Variants in ACACA observed in about 807,000 individuals in gnomAD.
The protein encoded by ACACA is acetyl-CoA carboxylase alpha.
In ACACA, 103 loss-of-function variants were observed where a neutral mutation model predicts 296.1. That is an observed-to-expected ratio of 0.35 (90% confidence interval 0.30 to 0.41). The LOEUF (loss-of-function observed/expected upper bound fraction) is 0.41, where lower values mean the gene tolerates loss of function less well. Among genes scored for constraint, ACACA ranks in the 10% least tolerant of loss-of-function variants. ACACA has a pLI of 1.00. For synonymous variants in ACACA, 953 were observed against 1,038.6 expected (o/e 0.92, Z 1.58); for missense variants, 1,554 against 2,989.7 (o/e 0.52, Z 11.20).
intron 3 of ACACA, chr17:37,328,886 G>A (rs1181530973): frequency 1.3e-5 from 5 of 398,454 alleles, no homozygotes; most frequent in Non-Finnish European, 1.3e-5. Context: ...CAAATGAATC[G>A]AAATCTCTGG....
chr17:37,364,590 CA>C (rs58523091), intron 1 of ACACA, among the ~76,000 whole-genome samples: 135 of 94,056 alleles, frequency 1.4e-3, no homozygotes, highest in Admixed American at 1.3e-3. Flanking sequence ...GACTCCGTCT[CA>C]AAAAAAAAAA....
intron 49 of ACACA, 142 bp from the exon 50 acceptor site, chr17:37,121,632 G>T: frequency 9.2e-7 from 1 of 1,081,516 alleles, no homozygotes; most frequent in Non-Finnish European, 1.4e-6. Context: ...AGATCATCAT[G>T]TTTGGAGTAA....
At chr17:37,394,121 A>G (rs1168651213) in intron 1 of ACACA, among the ~76,000 whole-genome samples, 2 of 152,178 alleles carry the variant, frequency 1.3e-5, no homozygotes, top group African/African-American at 4.8e-5. Context: ...TAGTGTCACC[A>G]TTATAGACCA....
chr17:37,301,336 C>G (rs2083606551), intron 3 of ACACA: 1 of 979,832 alleles, frequency 1.0e-6, no homozygotes, highest in Non-Finnish European at 1.2e-6. Flanking sequence ...TTTAAAGCAT[C>G]CCCCTTTTAA....
chr17:37,186,586 T>A (rs1391303472), intron 39 of ACACA, among the ~76,000 whole-genome samples: 3 of 152,250 alleles, frequency 2.0e-5, no homozygotes, highest in African/African-American at 7.2e-5. Flanking sequence ...CTGCTCCTTT[T>A]GTCAGTTCCC....
intron 1 of ACACA, among the ~76,000 whole-genome samples, chr17:37,361,448 C>A (rs1323980554): frequency 7.2e-5 from 11 of 152,070 alleles, no homozygotes; most frequent in Non-Finnish European, 1.5e-4. Context: ...CCTGCATGTC[C>A]TGCTTTTGAC....
intron 51 of ACACA, 128 bp downstream of exon 51, chr17:37,112,960 G>A (rs1186270805): frequency 1.3e-5 from 15 of 1,174,214 alleles, no homozygotes; most frequent in Non-Finnish European, 1.8e-5. Flanking sequence ...GTAATGGAAG[G>A]AAAAAGCTTT....
chr17:37,325,588 T>C lies in ACACA; in HGVS notation c.338+4585A>G, dbSNP rs1293074128. On this transcript the variant is annotated intron_variant, in intron 3 of 55. Coordinates refer to ENST00000616317, the MANE Select transcript of ACACA (RefSeq NM_198834.3). The stretch of plus-strand genomic sequence containing the variant: ...TTATTTTCTTTTCTTTCTTTTTTTT[T>C]TTTTTTTTTTTTTTTTGCTCTGTTG... Among the ~76,000 whole-genome samples, 4 of 129,574 alleles carry C rather than the reference T, an allele frequency of 3.1e-5. No homozygotes were observed. In the East Asian group the frequency reaches 6.7e-4, roughly 22 times the overall value. 85.0% of individuals were successfully genotyped at this position (129,574 alleles called of 152,430 possible). A position where few individuals can be genotyped will look rare whatever the true frequency, so the allele number is the denominator to read the frequency against.
At chr17:37,173,993 TATATATATATATATATATA>T (rs1422597123) in intron 41 of ACACA, among the ~76,000 whole-genome samples, 184 of 9,702 alleles carry the variant, frequency 0.019, 15 homozygotes, top group African/African-American at 0.089. Context: ...TATATATATA[TATATATATATATATATATA>T]TATATATATT....
chr17:37,282,658 A>G (rs2082593404), intron 5 of ACACA, among the ~76,000 whole-genome samples: 1 of 152,200 alleles, frequency 6.6e-6, no homozygotes, highest in Non-Finnish European at 1.5e-5. Flanking sequence ...ATAGCTCTTC[A>G]CATTATCTGT....
intron 25 of ACACA, among the ~76,000 whole-genome samples, chr17:37,229,571 G>A (rs1169740957): frequency 6.6e-6 from 1 of 151,914 alleles, no homozygotes; most frequent in Non-Finnish European, 1.5e-5. Context: ...CCAAAGTGCT[G>A]GGATTACAGG....
intron 3 of ACACA, among the ~76,000 whole-genome samples, chr17:37,297,321 A>T (rs531328418): frequency 6.6e-6 from 1 of 151,108 alleles, no homozygotes; most frequent in African/African-American, 2.4e-5. Context: ...CATGCCTGTA[A>T]TCCCAGCTAC....
At chr17:37,399,030 A>T (rs1312553602) in intron 1 of ACACA, among the ~76,000 whole-genome samples, 3 of 150,134 alleles carry the variant, frequency 2.0e-5, no homozygotes, top group Non-Finnish European at 3.0e-5. Flanking sequence ...CCCAGGCTGG[A>T]GTGCAATGGT....
chr17:37,372,229 C>T (rs1414500834), intron 1 of ACACA, among the ~76,000 whole-genome samples: 6 of 151,758 alleles, frequency 4.0e-5, no homozygotes, highest in East Asian at 1.9e-4. Context: ...CTGGCTAACA[C>T]GGTGAAACCC....
chr17:37,277,463 T>C (rs2082329081), intron 6 of ACACA, among the ~76,000 whole-genome samples: 1 of 152,238 alleles, frequency 6.6e-6, no homozygotes, highest in African/African-American at 2.4e-5. Context: ...GGCCACTCCA[T>C]TACATCATTA....
intron 1 of ACACA, among the ~76,000 whole-genome samples, chr17:37,400,671 T>G (rs983141559): frequency 6.6e-6 from 1 of 152,180 alleles, no homozygotes; most frequent in Admixed American, 6.6e-5. Context: ...TCCAGGTCCA[T>G]CTATGTTGCT....
At chr17:37,231,029 T>C (rs566390348) in intron 25 of ACACA, among the ~76,000 whole-genome samples, 1 of 152,282 alleles carries the variant, frequency 6.6e-6, no homozygotes, top group Admixed American at 6.5e-5. Context: ...TAGCTAACTA[T>C]AGGAAATAGT....
chr17:37,127,477 C>T (rs2074845208), intron 47 of ACACA, among the ~76,000 whole-genome samples: 1 of 152,156 alleles, frequency 6.6e-6, no homozygotes, highest in Non-Finnish European at 1.5e-5. Context: ...AGATGGCTTC[C>T]CGTATTTCCC....
chr17:37,106,139 T>C (rs1452148736), intron 52 of ACACA, among the ~76,000 whole-genome samples: 4 of 139,812 alleles, frequency 2.9e-5, no homozygotes, highest in Admixed American at 7.2e-5. Context: ...TCTATAAACA[T>C]AGTAAGATAG....
Sources: allele counts gnomAD v4.1 joint callset (sites outside exome capture counted in the v4.1 genomes callset), GRCh38; gene constraint gnomAD v4.1.1; transcripts MANE v1.5; gene names NCBI Gene and HGNC (gene_info 2026-07-23, HGNC 2026-07-21).